MAPT: variants seen among roughly 807,000 people sequenced by gnomAD.
MAPT encodes the protein microtubule-associated protein tau.
In MAPT, 34 loss-of-function variants were observed where a neutral mutation model predicts 67.9. The ratio of observed to expected loss-of-function variants is 0.50; its 90% confidence interval spans 0.38 to 0.67. The LOEUF is 0.67. Among genes scored for constraint, MAPT ranks in the 30% least tolerant of loss-of-function variants. The pLI is 0.00. For synonymous variants in MAPT, 456 were observed against 464.5 expected (o/e 0.98, Z 0.23); for missense variants, 881 against 1,115.2 (o/e 0.79, Z 2.99).
Position 45,996,703 on chromosome 17 carries a change from G to A in MAPT, c.1998+39G>A. 1 of 1,608,924 alleles carries A rather than the reference G, an allele frequency of 6.2e-7. No individual in the cohort carries two copies. The highest frequency in any genetic ancestry group is 8.5e-7 in the Non-Finnish European group (1 of 1,177,352). ...GCTGCGCGTGGAGGTGTGGGGGGCT[G>A]CGCCTGGAGGGGTAGGGCTGTGCCT... On this transcript the variant is annotated intron_variant, in intron 9 of 12. Transcript: ENST00000262410. This position sits in a 1 kb window ranked among gnomAD's most constrained non-coding sequence, Gnocchi z 4.5.
chr17:46,001,787 C>G (rs929356510), intron 9 of MAPT, among the ~76,000 whole-genome samples: 1 of 152,206 alleles, frequency 6.6e-6, no homozygotes, highest in African/African-American at 2.4e-5. Flanking sequence ...AGGGTCCAGG[C>G]CAGGGGACAG....
At chr17:45,987,730 G>A (rs1170060774) in intron 6 of MAPT, among the ~76,000 whole-genome samples, 1 of 152,256 alleles carries the variant, frequency 6.6e-6, no homozygotes, top group Non-Finnish European at 1.5e-5. Flanking sequence ...ATAGCTCTGA[G>A]CATTCAGTGG....
At chr17:45,968,992 C>A (rs1450298156) in intron 2 of MAPT, among the ~76,000 whole-genome samples, 1 of 152,228 alleles carries the variant, frequency 6.6e-6, no homozygotes, top group Non-Finnish European at 1.5e-5. Context: ...CTCAGCCTCA[C>A]ACAACCAATA....
intron 4 of MAPT, among the ~76,000 whole-genome samples, chr17:45,982,607 C>T (rs1334868015): frequency 1.3e-5 from 2 of 152,048 alleles, no homozygotes; most frequent in African/African-American, 2.4e-5. Flanking sequence ...TCACCACGTC[C>T]AAGAACCCTC....
chr17:45,965,569 C>G (rs1396464879), intron 2 of MAPT, among the ~76,000 whole-genome samples: 2 of 151,898 alleles, frequency 1.3e-5, no homozygotes, highest in Admixed American at 6.5e-5. Flanking sequence ...GCGCCTACCA[C>G]CACGCCTGGC....
intron 6 of MAPT, among the ~76,000 whole-genome samples, chr17:45,988,188 C>G (rs2073755476): frequency 6.6e-6 from 1 of 152,178 alleles, no homozygotes; most frequent in South Asian, 2.1e-4. Context: ...CCCATTGCTA[C>G]TTCATCTCCT....
At position 45,983,406 on chromosome 17, in the gene MAPT, C is replaced by G. The variant is rs2073185083; in HGVS notation, c.827C>G (p.Pro276Arg). 2 of 1,607,268 alleles carry G rather than the reference C, an allele frequency of 1.2e-6. No individual in the cohort carries two copies. Among genetic ancestry groups the G allele is most frequent in the Non-Finnish European group, 1.7e-6 (2 of 1,176,502 alleles). ...QLLGDLHQEG[P>R]PLKGAGGKER... ...CTAGGAGACCTGCACCAGGAGGGGC[C>G]GCCGCTGAAGGGGGCAGGGGGCAAA... Residue 276 changes from proline to arginine, a missense_variant, in exon 5 of 13, where the codon CCG becomes CGG. By Grantham distance (103) the Pro-to-Arg change is moderately radical (BLOSUM62 -2). This residue lies in a region of MAPT where 687 missense variants were observed against 766.1 expected (regional missense o/e 0.90). Coordinates refer to ENST00000262410, the MANE Select transcript of MAPT (RefSeq NM_001377265.1).
chr17:45,971,721 T>C lies in MAPT; in HGVS notation c.134-138T>C. 1.1e-5 allele frequency: 8 copies of C among 719,596 alleles called. No individual in the cohort carries two copies. The highest frequency in any genetic ancestry group is 3.3e-4 in the Middle Eastern group (1 of 3,028). 44.6% of individuals were successfully genotyped at this position (719,596 alleles called of 1,614,324 possible). A position where few individuals can be genotyped will look rare whatever the true frequency, so the allele number is the denominator to read the frequency against. On this transcript the variant is annotated intron_variant, in intron 2 of 12. Coordinates refer to ENST00000262410, the MANE Select transcript of MAPT (RefSeq NM_001377265.1). The surrounding 1 kb of genome is among the most constrained non-coding windows in gnomAD (Gnocchi z 4.3). ...GGGGTTGGTCCCCTTTGTGGGTTTG[T>C]TGCGAGGCCGTGTTCCAGCTGTTTC...
intron 11 of MAPT, among the ~76,000 whole-genome samples, chr17:46,017,796 A>C (rs746732273): frequency 1.5e-4 from 22 of 149,916 alleles, no homozygotes; most frequent in Non-Finnish European, 2.2e-4. Context: ...TTGACATTCA[A>C]TTTAATTCCA....
In MAPT at chr17:45,990,093, G is replaced by T; in HGVS notation, c.1605+18G>T. The T allele has an allele frequency of 6.2e-7, 1 of 1,611,980 alleles. No individual in the cohort carries two copies. Among genetic ancestry groups the T allele is most frequent in the East Asian group, 2.2e-5 (1 of 44,882 alleles). Reference sequence around the variant, plus strand: ...AACTCAAGGTAAGGAAACCACCTTTGAAAAGAACCAGGCTGCTCTGCTGTG... The same window carrying T: ...AACTCAAGGTAAGGAAACCACCTTTTAAAAGAACCAGGCTGCTCTGCTGTG... On this transcript the variant is annotated intron_variant, in intron 7 of 12. Transcript: ENST00000262410.
chr17:45,927,750 C>T (rs1221261847), intron 1 of MAPT, among the ~76,000 whole-genome samples: 1 of 152,046 alleles, frequency 6.6e-6, no homozygotes, highest in African/African-American at 2.4e-5. Flanking sequence ...CCTGTAATTC[C>T]AGCACTTTGG....
At chr17:45,970,272 T>G (rs1316088191) in intron 2 of MAPT, among the ~76,000 whole-genome samples, 1 of 152,208 alleles carries the variant, frequency 6.6e-6, no homozygotes, top group African/African-American at 2.4e-5. Context: ...AATAAATTAT[T>G]AATTCATATA....
chr17:46,011,461 T>C (rs1171647804), intron 10 of MAPT, among the ~76,000 whole-genome samples: 1 of 152,178 alleles, frequency 6.6e-6, no homozygotes, highest in African/African-American at 2.4e-5. Flanking sequence ...CCCCGGGGAC[T>C]CCGTGCATCT....
In MAPT at chr17:45,983,901, A is replaced by C; in HGVS notation, c.1322A>C (p.Lys441Thr). 2 of 1,581,718 alleles carry C rather than the reference A, an allele frequency of 1.3e-6. No homozygotes were observed. The highest frequency in any genetic ancestry group is 1.7e-6 in the Non-Finnish European group (2 of 1,167,408). Residue 441 changes from lysine (K) to threonine (T), a missense_variant, in exon 5 of 13, where the codon AAG becomes ACG. Lys to Thr is a moderately conservative substitution (Grantham distance 78, BLOSUM62 -1). Coordinates refer to ENST00000262410, the MANE Select transcript of MAPT (RefSeq NM_001377265.1). ...EKQPAAAPRGKPVSRVPQLKA... is the reference protein window; with the variant it reads ...EKQPAAAPRGTPVSRVPQLKA... Reference sequence around the variant, plus strand: ...CAGCCTGCTGCTGCTCCGCGGGGGAAGCCCGTCAGCCGGGTCCCTCAACTC... The same window carrying C: ...CAGCCTGCTGCTGCTCCGCGGGGGACGCCCGTCAGCCGGGTCCCTCAACTC...
rs2076871171 is a variant in MAPT at position 46,027,661 on chromosome 17, A to C, written c.*3490A>C. On this transcript the variant is annotated 3_prime_UTR_variant, in exon 13 of 13. Transcript: ENST00000262410. ...TCAACCACATTTGCTAGAGGGAGGG[A>C]GCAGCCACGGAGTTAGAGGCCCTTG... 6.6e-6 allele frequency: 1 copy of C among 152,068 alleles called. No individual in the cohort carries two copies. Among genetic ancestry groups the C allele is most frequent in the Admixed American group, 6.5e-5 (1 of 15,268 alleles). 9.4% of individuals were successfully genotyped at this position (152,068 alleles called of 1,614,324 possible). A position where few individuals can be genotyped will look rare whatever the true frequency, so the allele number is the denominator to read the frequency against.
chr17:45,993,361 A>ATCCTG (rs1377871682), intron 8 of MAPT, among the ~76,000 whole-genome samples: 1 of 150,350 alleles, frequency 6.7e-6, no homozygotes, highest in Non-Finnish European at 1.5e-5. Context: ...TAGCGTTTGG[A>ATCCTG]TCCTGCTGTT....
At chr17:45,941,457 C>T (rs935025091) in intron 1 of MAPT, among the ~76,000 whole-genome samples, 11 of 152,094 alleles carry the variant, frequency 7.2e-5, no homozygotes, top group Middle Eastern at 3.4e-3. Context: ...CTCAGAGACC[C>T]CTCCTTCCCC....
chr17:45,974,541 A>G, intron 3 of MAPT: 1 of 1,236,002 alleles, frequency 8.1e-7, no homozygotes, highest in Non-Finnish European at 1.2e-6. Flanking sequence ...CCTGTGACAG[A>G]AGTGAGGGAG....
chr17:45,933,112 G>A (rs8065800), intron 1 of MAPT, among the ~76,000 whole-genome samples: 99,402 of 151,916 alleles, frequency 0.65, 32,655 homozygotes, highest in Middle Eastern at 0.68. Context: ...AAAACCTCTT[G>A]GACCAGGAAA....
Sources: allele counts gnomAD v4.1 joint callset (sites outside exome capture counted in the v4.1 genomes callset), GRCh38; gene constraint gnomAD v4.1.1; regional missense constraint gnomAD v4.1.1; non-coding constraint Gnocchi (gnomAD v3.1); transcripts MANE v1.5; gene names NCBI Gene and HGNC (gene_info 2026-07-23, HGNC 2026-07-21).